RGS3: variants seen among roughly 807,000 people sequenced by gnomAD.
RGS3 encodes regulator of G-protein signalling 3.
RGS3 carries 80 observed loss-of-function variants against 132.6 expected under a neutral mutation model. The ratio of observed to expected loss-of-function variants is 0.60; its 90% CI spans 0.50 to 0.73. The LOEUF is 0.73. Among genes scored for constraint, RGS3 ranks in the 30% least tolerant of loss-of-function variants. The pLI is 0.00. For missense variants in RGS3, 1,382 were observed against 1,530.8 expected (o/e 0.90, Z 1.62); for synonymous variants, 598 against 620.6 (o/e 0.96, Z 0.54).
At chr9:113,597,025 C>T in exon 25 of RGS3, 2 of 1,371,358 alleles carry the variant, frequency 1.5e-6, no homozygotes, top group Non-Finnish European at 2.0e-6. Flanking sequence ...TCCCTGCCCC[C>T]TGTGACGGAG....
chr9:113,503,472 ACTGTGGT>A (rs916302735), intron 10 of RGS3: 5 of 152,304 alleles, frequency 3.3e-5, no homozygotes, highest in Admixed American at 3.3e-4. Flanking sequence ...TCTGGCTTGG[ACTGTGGT>A]CTGGGCTGGC....
chr9:113,569,159 G>A (rs557210213), intron 19 of RGS3, among the ~76,000 whole-genome samples: 1 of 152,320 alleles, frequency 6.6e-6, no homozygotes, highest in South Asian at 2.1e-4. Flanking sequence ...ACTTAGAAAG[G>A]GGGGTGTGTA....
At chr9:113,570,924 C>T (rs1470866761) in intron 19 of RGS3, among the ~76,000 whole-genome samples, 2 of 152,252 alleles carry the variant, frequency 1.3e-5, no homozygotes, top group Non-Finnish European at 2.9e-5. Flanking sequence ...GCATGAGTCA[C>T]TGCACCCGGC....
intron 19 of RGS3, among the ~76,000 whole-genome samples, chr9:113,546,570 G>A (rs1833126470): frequency 6.6e-6 from 1 of 152,170 alleles, no homozygotes; most frequent in South Asian, 2.1e-4. Context: ...ACCTGGCCAG[G>A]GTCATGGGAA....
chr9:113,514,368 G>A (rs990108729), intron 14 of RGS3, 90 bp from the exon 13 acceptor site: 32 of 1,170,990 alleles, frequency 2.7e-5, no homozygotes, highest in African/African-American at 2.6e-4. Flanking sequence ...GGTTGTTGAC[G>A]GAATGAGTCC....
intron 19 of RGS3, among the ~76,000 whole-genome samples, chr9:113,571,059 C>T (rs1834268506): frequency 6.6e-6 from 1 of 152,202 alleles, no homozygotes; most frequent in Non-Finnish European, 1.5e-5. Flanking sequence ...CAAGATTCAT[C>T]AATAATATTG....
chr9:113,514,386 C>T, intron 14 of RGS3, 72 bp from the exon 13 acceptor site: 3 of 1,373,130 alleles, frequency 2.2e-6, no homozygotes, highest in Non-Finnish European at 3.1e-6. Flanking sequence ...TCCGTGTCCC[C>T]TGTTTCTACA....
chr9:113,546,520 C>T (rs72763806), intron 19 of RGS3, among the ~76,000 whole-genome samples: 10,741 of 152,238 alleles, frequency 0.071, 520 homozygotes, highest in Non-Finnish European at 0.096. Flanking sequence ...CTCCTATATT[C>T]TAGAATTTAG....
chr9:113,564,931 G>A (rs1382935708), intron 19 of RGS3: 7 of 994,556 alleles, frequency 7.0e-6, no homozygotes, highest in Admixed American at 5.9e-5. Flanking sequence ...GGGAAGCCTC[G>A]GTGCCTCGGT....
rs759498418 is a variant in RGS3, at chr9:113,507,369, C to T, written c.1168C>T (p.Arg390Trp). Residue 390 changes from arginine to tryptophan, a missense_variant, in exon 13 of 25, where the codon CGG becomes TGG. Physicochemically the swap from Arg to Trp is moderately radical, Grantham distance 101. Transcript: ENST00000350696. The surrounding 1 kb of genome is among the most constrained non-coding windows in gnomAD (Gnocchi z 5.0). The stretch of plus-strand genomic sequence containing the variant: ...AGGACCAGATGGCGGGGTCCTGCGG[C>T]GGGCCTCCTGCAAGTCGACACATGA... 56 of 1,613,658 alleles carry T rather than the reference C, an allele frequency of 3.5e-5. No homozygotes were observed. The highest frequency in any genetic ancestry group is 2.3e-4 in the South Asian group (21 of 91,076).
chr9:113,493,462 C>G (rs1830586942), intron 7 of RGS3, among the ~76,000 whole-genome samples: 1 of 152,206 alleles, frequency 6.6e-6, no homozygotes, highest in African/African-American at 2.4e-5. Flanking sequence ...GGCCTCAGCT[C>G]TGGGCCATGG....
chr9:113,473,852 T>G (rs1273088613), intron 3 of RGS3, among the ~76,000 whole-genome samples: 2 of 152,228 alleles, frequency 1.3e-5, no homozygotes, highest in Non-Finnish European at 2.9e-5. Context: ...GTTCTCTCCA[T>G]GTGTGTGCCT....
intron 7 of RGS3, among the ~76,000 whole-genome samples, chr9:113,495,438 G>T (rs1038331670): frequency 6.6e-6 from 1 of 152,194 alleles, no homozygotes; most frequent in Admixed American, 6.5e-5. Context: ...AATGATGTGG[G>T]CAAGGAGGTT....
intron 19 of RGS3, chr9:113,570,163 A>T (rs552565272): frequency 6.6e-6 from 1 of 152,274 alleles, no homozygotes; most frequent in Non-Finnish European, 1.5e-5. Context: ...GTTAAATGAG[A>T]TAATAGCTGT....
exon 5 of RGS3, chr9:113,483,060 T>C (rs749982008): frequency 1.9e-6 from 3 of 1,614,124 alleles, no homozygotes; most frequent in East Asian, 2.2e-5. Flanking sequence ...CTCTTTTAGT[T>C]ATAGAAGGTA....
At chr9:113,505,851 T>C (rs72761973) in intron 11 of RGS3, among the ~76,000 whole-genome samples, 21,802 of 152,192 alleles carry the variant, frequency 0.14, 1,704 homozygotes, top group African/African-American at 0.2. Flanking sequence ...GAAGCTGTTT[T>C]GTATCCTATC....
exon 1 of RGS3, chr9:113,444,781 T>G (rs1479540908): frequency 6.6e-6 from 1 of 152,192 alleles, no homozygotes; most frequent in East Asian, 1.9e-4. Flanking sequence ...CCTCTCCTAC[T>G]CCTTCTCTTT....
intron 19 of RGS3, among the ~76,000 whole-genome samples, chr9:113,549,301 T>A (rs1833236407): frequency 1.3e-5 from 2 of 152,228 alleles, no homozygotes; most frequent in African/African-American, 4.8e-5. Flanking sequence ...AAAGGGGATC[T>A]GTTGTAATGC....
intron 1 of RGS3, among the ~76,000 whole-genome samples, chr9:113,461,467 T>C (rs1829468912): frequency 6.6e-6 from 1 of 152,170 alleles, no homozygotes; most frequent in African/African-American, 2.4e-5. Flanking sequence ...GACCGACCTG[T>C]CCTTTTAGGA....
Sources: allele counts gnomAD v4.1 joint callset (sites outside exome capture counted in the v4.1 genomes callset), GRCh38; gene constraint gnomAD v4.1.1; non-coding constraint Gnocchi (gnomAD v3.1); transcripts MANE v1.5; gene names NCBI Gene and HGNC (gene_info 2026-07-23, HGNC 2026-07-21).